The following BFSP2 variants were observed in gnomAD, a reference collection of about 807,000 sequenced individuals.
The protein encoded by BFSP2 is beaded filament structural protein 2, also known as phakinin.
BFSP2 carries 38 observed loss-of-function variants against 44.9 expected under a neutral mutation model. The ratio of observed to expected loss-of-function variants is 0.85; its 90% CI spans 0.65 to 1.11. The LOEUF is 1.11. BFSP2 is among the 50% of genes least tolerant of loss of function. The pLI, the probability that BFSP2 is intolerant of heterozygous loss-of-function variation, is 0.00. For missense variants in BFSP2, 525 were observed against 533.0 expected (o/e 0.99, Z 0.15); for synonymous variants, 197 against 209.9 (o/e 0.94, Z 0.53).
chr3:133,411,564 C>A (rs998144642), intron 1 of BFSP2, among the ~76,000 whole-genome samples: 1 of 152,010 alleles, frequency 6.6e-6, no homozygotes, highest in South Asian at 2.1e-4. Context: ...ATGATTAAGC[C>A]TCAAGATAAA....
intron 4 of BFSP2, among the ~76,000 whole-genome samples, chr3:133,451,907 G>A (rs2073969323): frequency 6.6e-6 from 1 of 152,148 alleles, no homozygotes; most frequent in Non-Finnish European, 1.5e-5. Context: ...TTGAGACAGA[G>A]GATGAAAAGT....
At chr3:133,461,759 C>T (rs1176180690) in intron 4 of BFSP2, among the ~76,000 whole-genome samples, 2 of 152,192 alleles carry the variant, frequency 1.3e-5, no homozygotes, top group African/African-American at 4.8e-5. Flanking sequence ...TGAGAAGGAA[C>T]ACAGTGACAT....
Position 133,465,867 on chromosome 3 carries a change from C to T in BFSP2, c.892-961C>T, listed in dbSNP as rs146559593. 1.1e-3 allele frequency among the ~76,000 whole-genome samples: 164 copies of T among 152,244 alleles called. 2 individuals carry two copies. The highest frequency in any genetic ancestry group is 3.2e-3 in the African/African-American group (133 of 41,544). ...AGAACTACTTTCTCAAAGACATGCT[C>T]TTGTATGAAAAATAAGGGATCAAAG... On this transcript the variant is annotated intron_variant, in intron 4 of 6. Transcript: ENST00000302334.
At chr3:133,410,697 G>A (rs1240190465) in intron 1 of BFSP2, 3 of 255,016 alleles carry the variant, frequency 1.2e-5, no homozygotes, top group Middle Eastern at 5.0e-4. Context: ...ACAGGAGTCC[G>A]TGGGCGGACA....
At chr3:133,440,226 CAT>C (rs2073831755) in intron 1 of BFSP2, among the ~76,000 whole-genome samples, 3 of 151,522 alleles carry the variant, frequency 2.0e-5, no homozygotes, top group Non-Finnish European at 4.4e-5. Flanking sequence ...AACCTACCCC[CAT>C]GATTCAATGA....
chr3:133,444,914 A>C (rs2073883068), intron 1 of BFSP2, among the ~76,000 whole-genome samples: 1 of 151,962 alleles, frequency 6.6e-6, no homozygotes, highest in Admixed American at 6.6e-5. Context: ...CTTAGTGCAC[A>C]GATCACCTCT....
intron 4 of BFSP2, among the ~76,000 whole-genome samples, chr3:133,464,755 GATA>G (rs778037054): frequency 6.6e-6 from 1 of 152,250 alleles, no homozygotes; most frequent in East Asian, 1.9e-4. Context: ...GTCATTATAT[GATA>G]ATGAGTATTA....
At chr3:133,428,638 A>G (rs2073677240) in intron 1 of BFSP2, among the ~76,000 whole-genome samples, 1 of 151,742 alleles carries the variant, frequency 6.6e-6, no homozygotes, top group South Asian at 2.1e-4. Context: ...GCAAGTGCCC[A>G]GGAAATATCT....
intron 1 of BFSP2, among the ~76,000 whole-genome samples, chr3:133,425,525 A>C (rs1157617108): frequency 1.3e-5 from 2 of 152,210 alleles, no homozygotes; most frequent in African/African-American, 4.8e-5. Context: ...GATCACTTGC[A>C]GGAAACTAAA....
intron 4 of BFSP2, among the ~76,000 whole-genome samples, chr3:133,454,390 T>A (rs572977142): frequency 6.6e-6 from 1 of 152,182 alleles, no homozygotes; most frequent in Admixed American, 6.5e-5. Flanking sequence ...ACACCAAATA[T>A]GTAGGTTTGT....
chr3:133,419,740 T>G (rs1000984336), intron 1 of BFSP2, among the ~76,000 whole-genome samples: 9 of 152,206 alleles, frequency 5.9e-5, no homozygotes, highest in African/African-American at 2.2e-4. Context: ...ACTTGCAAGT[T>G]TAATAGCTTT....
intron 4 of BFSP2, chr3:133,455,871 T>C (rs555221452): frequency 6.5e-6 from 1 of 152,736 alleles, no homozygotes; most frequent in African/African-American, 2.4e-5. Flanking sequence ...CTAAGCCTGG[T>C]CTGAAGTCTG....
chr3:133,412,494 T>C (rs985886398), intron 1 of BFSP2: 6 of 152,218 alleles, frequency 3.9e-5, no homozygotes, highest in Admixed American at 3.3e-4. Context: ...GAGCAGGGTA[T>C]TGATTAGTTC....
Position 133,475,005 on chromosome 3 carries a change from A to C in BFSP2, c.*33A>C. ...ACTTCCTCTTTTTCATGAAGAAAAC[A>C]CCCTTCCTCAACAGCTGACCCAAGA... is the stretch of plus-strand genomic sequence containing the variant. On this transcript the variant is annotated 3_prime_UTR_variant, in exon 7 of 7. Transcript: ENST00000302334. 1 of 1,613,452 alleles carries C rather than the reference A, an allele frequency of 6.2e-7. No individual in the cohort carries two copies. Among genetic ancestry groups the C allele is most frequent in the Non-Finnish European group, 8.5e-7 (1 of 1,179,478 alleles).
Position 133,400,145 on chromosome 3 carries a change from A to G in BFSP2, c.62A>G (p.Gln21Arg). ...AGTGCCAGCTCCAGCATGCCCCTCC[A>G]GAGGCGCAGGGCGTCCTTCAGGGGG... is the stretch of plus-strand genomic sequence containing the variant. ...PTSASSSMPL[Q>R]RRRASFRGPR... is the part of the protein sequence containing the mutation. The change falls in exon 1 of 7, where the codon CAG becomes CGG. Residue 21 changes from glutamine (Q) to arginine (R), a missense_variant. By Grantham distance (43) the Gln-to-Arg change is conservative. Transcript: ENST00000302334. The surrounding 1 kb of genome is among the most constrained non-coding windows in gnomAD (Gnocchi z 4.0). 6.2e-7 allele frequency: 1 copy of G among 1,614,166 alleles called. No homozygotes were observed. Among genetic ancestry groups the G allele is most frequent in the South Asian group, 1.1e-5 (1 of 91,088 alleles).
chr3:133,446,144 G>C (rs936827551), intron 1 of BFSP2, among the ~76,000 whole-genome samples: 1 of 152,110 alleles, frequency 6.6e-6, no homozygotes, highest in African/African-American at 2.4e-5. Flanking sequence ...AAAATGGCAG[G>C]GTTTGGTGGC....
intron 1 of BFSP2, among the ~76,000 whole-genome samples, chr3:133,414,252 TC>T (rs1170821810): frequency 5.6e-5 from 1 of 17,840 alleles, no homozygotes; most frequent in African/African-American, 2.8e-4. Context: ...CCCTGTCCTG[TC>T]CCCCCTACTC....
intron 1 of BFSP2, among the ~76,000 whole-genome samples, chr3:133,425,868 GGAAATAAA>G (rs2107898846): frequency 2.9e-5 from 3 of 103,190 alleles, no homozygotes; most frequent in East Asian, 2.4e-4. Flanking sequence ...GGAAGGGAAG[GGAAATAAA>G]GAAGGGAAGG....
intron 1 of BFSP2, among the ~76,000 whole-genome samples, chr3:133,424,690 C>T (rs1311645210): frequency 6.6e-6 from 1 of 152,170 alleles, no homozygotes; most frequent in African/African-American, 2.4e-5. Context: ...GGCTGGAGTG[C>T]CTTGGCACAA....
Sources: allele counts gnomAD v4.1 joint callset (sites outside exome capture counted in the v4.1 genomes callset), GRCh38; gene constraint gnomAD v4.1.1; non-coding constraint Gnocchi (gnomAD v3.1); transcripts MANE v1.5; gene names NCBI Gene and HGNC (gene_info 2026-07-23, HGNC 2026-07-21).